KRT8: variants seen among roughly 807,000 people sequenced by gnomAD.
The protein encoded by KRT8 is keratin, type II cytoskeletal 8.
In KRT8, 24 loss-of-function variants were observed where a neutral mutation model predicts 43.0. The ratio of observed to expected loss-of-function variants is 0.56; its 90% CI spans 0.40 to 0.78. KRT8 has a LOEUF of 0.78. KRT8 is among the 30% of genes least tolerant of loss of function. The pLI, the probability that KRT8 is intolerant of heterozygous loss-of-function variation, is 0.00. For missense variants in KRT8, 492 were observed against 638.4 expected (o/e 0.77, Z 2.47); for synonymous variants, 214 against 261.2 (o/e 0.82, Z 1.74).
intron 2 of KRT8, among the ~76,000 whole-genome samples, chr12:52,923,869 C>T (rs920776375): frequency 4.0e-5 from 6 of 150,798 alleles, no homozygotes; most frequent in South Asian, 2.1e-4. Context: ...TTTTTCGAGA[C>T]GGAGCCTCGC....
chr12:52,913,585 C>A (rs2638503), intron 2 of KRT8, among the ~76,000 whole-genome samples: 3 of 148,672 alleles, frequency 2.0e-5, no homozygotes, highest in South Asian at 2.2e-4. Context: ...GCCCACCCCC[C>A]ACCCTGTGGG....
chr12:52,949,827 A>T, exon 1 of KRT8: 2 of 704,522 alleles, frequency 2.8e-6, no homozygotes, highest in Non-Finnish European at 5.2e-6. Flanking sequence ...AGCTTTACAG[A>T]GGAAGTGGAC....
intron 2 of KRT8, chr12:52,949,066 C>T (rs1044832297): frequency 5.6e-6 from 6 of 1,068,578 alleles, no homozygotes; most frequent in African/African-American, 3.2e-5. Flanking sequence ...GGCTCCGGGG[C>T]GGGGGCGGGG....
chr12:52,899,652 C>G (rs1284440900), intron 5 of KRT8, 123 bp downstream of exon 5: 9 of 836,472 alleles, frequency 1.1e-5, no homozygotes, highest in Non-Finnish European at 1.7e-5. Flanking sequence ...GGCTGCCCCT[C>G]CAACTCCTGA....
intron 2 of KRT8, among the ~76,000 whole-genome samples, chr12:52,945,326 G>A (rs1942327328): frequency 1.3e-5 from 2 of 152,040 alleles, no homozygotes; most frequent in Admixed American, 6.6e-5. Flanking sequence ...CCCACCACAG[G>A]GCCTTCTCAC....
chr12:52,935,030 C>T (rs1426108494), intron 2 of KRT8, among the ~76,000 whole-genome samples: 1 of 151,250 alleles, frequency 6.6e-6, no homozygotes, highest in Non-Finnish European at 1.5e-5. Flanking sequence ...CCCATCTCTA[C>T]TCAAAATACA....
At chr12:52,897,303 G>T in exon 8 of KRT8, 1 of 908,550 alleles carries the variant, frequency 1.1e-6, no homozygotes, top group Non-Finnish European at 1.8e-6. Context: ...TCCCCAGGTG[G>T]GCTGAGGGCT....
intron 2 of KRT8, among the ~76,000 whole-genome samples, chr12:52,931,784 T>C (rs952551519): frequency 1.3e-5 from 2 of 152,028 alleles, no homozygotes; most frequent in African/African-American, 4.8e-5. Context: ...TGCCTCAGCC[T>C]CCTGAGTAGC....
Position 52,900,605 on chromosome 12 carries a change from T to G in KRT8, c.673A>C (p.Arg225=), listed in dbSNP as rs774577394. ...GAACATACCTCTTCATATAGCTGCC[T>G]GAGGAAGTTGATCTCGTCGGTCAGC... The change falls in exon 4 of 8, where the codon AGG becomes CGG. Residue 225 remains arginine (R), a synonymous_variant. Coordinates refer to ENST00000692008, the Ensembl canonical transcript of KRT8. The G allele has an allele frequency of 1.9e-5, 31 of 1,610,676 alleles. No homozygotes were observed. In the East Asian group the frequency reaches 6.2e-4, roughly 32 times the overall value.
chr12:52,923,028 G>A (rs1269518322), intron 2 of KRT8, among the ~76,000 whole-genome samples: 3 of 152,160 alleles, frequency 2.0e-5, no homozygotes, highest in Non-Finnish European at 4.4e-5. Flanking sequence ...ACAGCTGAGT[G>A]AGGGTTCCGT....
chr12:52,904,128 T>TA (rs889273082), intron 1 of KRT8, among the ~76,000 whole-genome samples: 1 of 149,772 alleles, frequency 6.7e-6, no homozygotes, highest in Non-Finnish European at 1.5e-5. Flanking sequence ...AACCCCTATG[T>TA]AAAAAAAAGA....
At chr12:52,918,379 C>T (rs950429736) in intron 2 of KRT8, among the ~76,000 whole-genome samples, 3 of 152,102 alleles carry the variant, frequency 2.0e-5, no homozygotes, top group Non-Finnish European at 4.4e-5. Flanking sequence ...CTACTGTATG[C>T]GCTGCATGCA....
chr12:52,903,327 A>C (rs1489278674), intron 1 of KRT8, among the ~76,000 whole-genome samples: 2 of 152,244 alleles, frequency 1.3e-5, no homozygotes, highest in Non-Finnish European at 2.9e-5. Flanking sequence ...AGGAACCGGC[A>C]GAGCAGTGCG....
chr12:52,924,897 A>G (rs1221155677), intron 2 of KRT8, among the ~76,000 whole-genome samples: 1 of 152,180 alleles, frequency 6.6e-6, no homozygotes, highest in Non-Finnish European at 1.5e-5. Flanking sequence ...ACCGAAAGGG[A>G]GTGAAAGGGT....
Position 52,949,159 on chromosome 12 carries a change from C to T in KRT8, c.-47+297G>A, listed in dbSNP as rs267607653. 4 of 1,544,780 alleles carry T rather than the reference C, an allele frequency of 2.6e-6. No homozygotes were observed. The East Asian group carries it at 6.8e-5, about 26-fold the overall frequency. The stretch of plus-strand genomic sequence containing the variant: ...GCAAAGCCTGAGTCCTGTCCTTTCT[C>T]TCTCCCCGGACAGCATGAGCTTCAC... On this transcript the variant is annotated intron_variant, in intron 2 of 6. Transcript: ENST00000546826.
rs1341730231 is a variant in KRT8 at position 52,949,330 on chromosome 12, A to G, written c.-47+126T>C. On this transcript the variant is annotated intron_variant, in intron 2 of 6. Coordinates refer to the KRT8 transcript ENST00000546826. ...CCGGATCTCCGTGTCCCGCTCCACC[A>G]GCTTCAGGGGCGGCATGGGGTCCGG... 1.9e-6 allele frequency: 3 copies of G among 1,609,636 alleles called. No individual in the cohort carries two copies. The East Asian group carries it at 6.7e-5, about 36-fold the overall frequency.
rs757870331 is a variant in KRT8, at chr12:52,898,525, C to A, written c.1203-6G>T. 1 of 1,614,060 alleles carries A rather than the reference C, an allele frequency of 6.2e-7. No homozygotes were observed. Among genetic ancestry groups the A allele is most frequent in the Admixed American group, 1.7e-5 (1 of 60,010 alleles). On this transcript the variant is annotated splice_polypyrimidine_tract_variant and splice_region_variant and intron_variant, in intron 6 of 7. Coordinates refer to ENST00000692008, the Ensembl canonical transcript of KRT8. ...TCTGCATCCCAGACTCCAGCCTGTA[C>A]CCAGACAAATGGGGTGTCAGGACCA...
intron 2 of KRT8, among the ~76,000 whole-genome samples, chr12:52,916,685 C>A (rs990548169): frequency 6.6e-6 from 1 of 152,128 alleles, no homozygotes; most frequent in African/African-American, 2.4e-5. Context: ...TTGGTTCATC[C>A]CACACACACC....
intron 1 of KRT8, among the ~76,000 whole-genome samples, chr12:52,902,457 A>G (rs1261491036): frequency 6.6e-6 from 1 of 152,128 alleles, no homozygotes; most frequent in Non-Finnish European, 1.5e-5. Flanking sequence ...AGCTCACTGC[A>G]AGCTCCGCCT....
Sources: gnomAD v4.1 joint callset for allele counts (sites outside exome capture counted in the v4.1 genomes callset) on GRCh38, gnomAD v4.1.1 for gene constraint, MANE v1.5 for transcripts, NCBI Gene and HGNC (gene_info 2026-07-23, HGNC 2026-07-21) for gene names.